The following USP28 variants were observed in gnomAD, a reference collection of about 807,000 sequenced individuals.
USP28 encodes the protein ubiquitin specific peptidase 28, also known as ubiquitin carboxyl-terminal hydrolase 28.
In USP28, 113 loss-of-function variants were observed where a neutral mutation model predicts 145.0. The ratio of observed to expected loss-of-function variants is 0.78; its 90% CI spans 0.67 to 0.91. The LOEUF (loss-of-function observed/expected upper bound fraction) is 0.91. USP28 is among the 40% of genes least tolerant of loss of function. USP28 has a pLI of 0.00. For missense variants in USP28, 1,201 were observed against 1,289.6 expected (o/e 0.93, Z 1.05); for synonymous variants, 447 against 450.9 (o/e 0.99, Z 0.11).
chr11:113,836,455 C>A (rs926841968), intron 5 of USP28, among the ~76,000 whole-genome samples: 1 of 152,118 alleles, frequency 6.6e-6, no homozygotes, highest in Non-Finnish European at 1.5e-5. Context: ...ACAACTGCCA[C>A]GCAGCTCCTT....
At chr11:113,826,675 T>C (rs1248502786) in intron 11 of USP28, among the ~76,000 whole-genome samples, 1 of 151,878 alleles carries the variant, frequency 6.6e-6, no homozygotes. Context: ...ATACCAGCAC[T>C]TTGGGAGGCC....
intron 1 of USP28, among the ~76,000 whole-genome samples, chr11:113,860,458 AAAAAACAAAAAAC>A (rs1484091296): frequency 2.7e-5 from 4 of 149,436 alleles, no homozygotes; most frequent in African/African-American, 9.8e-5. Context: ...AAAAAAAAAG[AAAAAACAAAAAAC>A]AAAAACAAAA....
chr11:113,843,584 C>T lies in USP28; in HGVS notation c.269-1816G>A, dbSNP rs183467241. On this transcript the variant is annotated intron_variant, in intron 3 of 24. Transcript: ENST00000003302. ...TACTCAGGAGGCTGAGGCAGGAGGA[C>T]GGCTTGAACCCAGGAGGCGGAGGCT... Among the ~76,000 whole-genome samples, 713 of 145,040 alleles carry T rather than the reference C, an allele frequency of 4.9e-3. 10 individuals carry two copies. The highest frequency in any genetic ancestry group is 0.016 in the African/African-American group (628 of 39,090).
intron 22 of USP28, 133 bp downstream of exon 23, chr11:113,803,665 C>A (rs751704441): frequency 2.6e-5 from 18 of 685,142 alleles, no homozygotes; most frequent in Non-Finnish European, 4.0e-5. Context: ...CAAAGCACTG[C>A]AAGAGAAGAG....
chr11:113,850,749 T>C (rs1307285581), intron 3 of USP28, among the ~76,000 whole-genome samples: 1 of 152,140 alleles, frequency 6.6e-6, no homozygotes, highest in Non-Finnish European at 1.5e-5. Context: ...CAGAACCTTT[T>C]CTTTCCCCTA....
chr11:113,868,734 A>G (rs1435973995), intron 1 of USP28, among the ~76,000 whole-genome samples: 1 of 152,082 alleles, frequency 6.6e-6, no homozygotes, highest in East Asian at 1.9e-4. Flanking sequence ...CAGCCTGGGC[A>G]ACATAAAGAG....
At chr11:113,834,122 G>T in intron 6 of USP28, 127 bp downstream of exon 6, 1 of 628,118 alleles carries the variant, frequency 1.6e-6, no homozygotes, top group Non-Finnish European at 2.6e-6. Flanking sequence ...GAGCCATTTA[G>T]AAATGAAAAC....
chr11:113,815,267 G>A lies in USP28; in HGVS notation c.1579C>T (p.Gln527Ter). Residue 527 changes from glutamine to a stop codon, truncating the protein, a stop_gained, in exon 14 of 25, where the codon CAG becomes TAG. Transcript: ENST00000003302. LOFTEE classifies it high-confidence loss of function. Reference sequence around the variant, plus strand: ...TCTGTGACTGTTCGTGGAGCTGGCTGTGAAGGCATTTCCATGGAAGACCGA... The same window carrying A: ...TCTGTGACTGTTCGTGGAGCTGGCTATGAAGGCATTTCCATGGAAGACCGA... The A allele has an allele frequency of 6.2e-7, 1 of 1,614,226 alleles. No homozygotes were observed. The highest frequency in any genetic ancestry group is 8.5e-7 in the Non-Finnish European group (1 of 1,180,046).
intron 1 of USP28, among the ~76,000 whole-genome samples, chr11:113,860,949 T>TAAAA (rs1947616370): frequency 6.7e-6 from 1 of 148,306 alleles, no homozygotes; most frequent in Non-Finnish European, 1.5e-5. Context: ...AAACTCCGTC[T>TAAAA]CTACTAAAAA....
At position 113,815,226 on chromosome 11, in the gene USP28, A is replaced by G. The variant is rs748369927; in HGVS notation, c.1620T>C (p.Phe540=). ...TCCATCTCTGAAGACAGGTCTTAAC[A>G]AAATTTATCTCCTCATCTGTGACTG... The change falls in exon 14 of 25, where the codon TTT becomes TTC. Residue 540 remains phenylalanine (F), a synonymous_variant. Transcript: ENST00000003302. The G allele has an allele frequency of 3.1e-6, 5 of 1,614,100 alleles. No individual in the cohort carries two copies. The African/African-American group carries it at 6.7e-5, about 22-fold the overall frequency.
At chr11:113,875,302 C>A in intron 1 of USP28, 143 bp downstream of exon 1, 1 of 589,454 alleles carries the variant, frequency 1.7e-6, no homozygotes, top group Non-Finnish European at 2.3e-6. Flanking sequence ...TTGGCCTTCT[C>A]ACCCACGCTG....
At chr11:113,864,094 A>T (rs1379436997) in intron 1 of USP28, among the ~76,000 whole-genome samples, 2 of 151,292 alleles carry the variant, frequency 1.3e-5, no homozygotes, top group Non-Finnish European at 2.9e-5. Flanking sequence ...ACAAAAAATT[A>T]GCCAGGCATG....
intron 3 of USP28, among the ~76,000 whole-genome samples, chr11:113,843,655 G>C (rs1945469607): frequency 2.4e-5 from 3 of 123,614 alleles, no homozygotes; most frequent in Non-Finnish European, 4.9e-5. Context: ...TGGGCAACAA[G>C]AGCGAAACTC....
intron 18 of USP28, among the ~76,000 whole-genome samples, chr11:113,807,354 G>A (rs1007499744): frequency 2.0e-5 from 3 of 151,026 alleles, no homozygotes; most frequent in Non-Finnish European, 2.9e-5. Context: ...GATTATAGGC[G>A]TAAACCTCCG....
At chr11:113,871,348 A>C (rs1948792978) in intron 1 of USP28, among the ~76,000 whole-genome samples, 1 of 152,186 alleles carries the variant, frequency 6.6e-6, no homozygotes, top group Non-Finnish European at 1.5e-5. Flanking sequence ...ACTAGGACTA[A>C]GGAGAAGGGA....
At chr11:113,849,030 T>C (rs936940531) in intron 3 of USP28, among the ~76,000 whole-genome samples, 15 of 152,180 alleles carry the variant, frequency 9.9e-5, no homozygotes, top group Non-Finnish European at 4.4e-5. Context: ...TAAAATAATC[T>C]TGAAACCTGA....
At chr11:113,841,920 A>G in intron 3 of USP28, 152 bp from the exon 4 acceptor site, 1 of 455,394 alleles carries the variant, frequency 2.2e-6, no homozygotes, top group Non-Finnish European at 3.9e-6. Context: ...TAGTCAAATG[A>G]GTAACTTCGG....
At chr11:113,835,600 G>C in intron 5 of USP28, among the ~76,000 whole-genome samples, 1 of 152,206 alleles carries the variant, frequency 6.6e-6, no homozygotes, top group East Asian at 1.9e-4. Flanking sequence ...CTGGTGAGCT[G>C]TATCCTCTGC....
chr11:113,813,928 G>C (rs773737294), exon 15 of USP28: 2 of 1,610,744 alleles, frequency 1.2e-6, no homozygotes, highest in South Asian at 2.2e-5. Flanking sequence ...AATAGTCTGA[G>C]TAGTACTTGC....
Sources: gnomAD v4.1 joint callset for allele counts (sites outside exome capture counted in the v4.1 genomes callset) on GRCh38, gnomAD v4.1.1 for gene constraint, MANE v1.5 for transcripts, NCBI Gene and HGNC (gene_info 2026-07-23, HGNC 2026-07-21) for gene names.